Variants in ZMIZ1 observed in about 807,000 individuals in gnomAD.
The protein encoded by ZMIZ1 is zinc finger MIZ-type containing 1, also known as zinc finger MIZ domain-containing protein 1.
In ZMIZ1, 17 loss-of-function variants were observed where a neutral mutation model predicts 113.9. That is an observed-to-expected ratio of 0.15 (90% CI 0.10 to 0.22). ZMIZ1 has a LOEUF of 0.22. Among genes scored for constraint, ZMIZ1 ranks in the 10% least tolerant of loss-of-function variants. ZMIZ1 has a pLI of 1.00. For synonymous variants in ZMIZ1, 607 were observed against 603.1 expected (o/e 1.01, Z -0.09); for missense variants, 1,059 against 1,477.8 (o/e 0.72, Z 4.65).
intron 7 of ZMIZ1, among the ~76,000 whole-genome samples, chr10:79,220,248 T>G (rs1308924217): frequency 6.6e-6 from 1 of 152,176 alleles, no homozygotes; most frequent in Admixed American, 6.5e-5. Context: ...TGACGCACAC[T>G]GGGGGCCAAG....
intron 3 of ZMIZ1, among the ~76,000 whole-genome samples, chr10:79,154,228 C>A (rs1845815414): frequency 6.6e-6 from 1 of 152,068 alleles, no homozygotes; most frequent in Non-Finnish European, 1.5e-5. Flanking sequence ...GTCCACAAAC[C>A]CCCTTTGGGT....
intron 1 of ZMIZ1, among the ~76,000 whole-genome samples, chr10:79,072,105 A>G (rs1283331768): frequency 2.6e-5 from 4 of 152,212 alleles, no homozygotes; most frequent in African/African-American, 7.2e-5. Context: ...AGCCTTGTCT[A>G]TGCAGAAAAG....
At chr10:79,253,100 C>T (rs1392437754) in intron 7 of ZMIZ1, among the ~76,000 whole-genome samples, 1 of 152,084 alleles carries the variant, frequency 6.6e-6, no homozygotes, top group African/African-American at 2.4e-5. Context: ...AGTGGGTGTG[C>T]GGGGCCGGAC....
rs1039220588 is a variant in ZMIZ1 at position 79,216,247 on chromosome 10, C to T, written c.253C>T (p.Arg85Ter). 1 of 1,591,736 alleles carries T rather than the reference C, an allele frequency of 6.3e-7. No homozygotes were observed. Among genetic ancestry groups the T allele is most frequent in the Non-Finnish European group, 8.6e-7 (1 of 1,168,968 alleles). The change falls in exon 7 of 25, where the codon CGA (arginine) becomes TGA (stop). Residue 85 changes from arginine to a stop codon, truncating the protein, a stop_gained. Coordinates refer to ENST00000334512, the MANE Select transcript of ZMIZ1 (RefSeq NM_020338.4). LOFTEE classifies it high-confidence loss of function. ...ACTGCTGGCTGTGTGTGCTGCAAACCGAGACAAGTTCACCCCGAAGTCTGC... is the reference window on the plus strand; with the variant it reads ...ACTGCTGGCTGTGTGTGCTGCAAACTGAGACAAGTTCACCCCGAAGTCTGC... ...YRLLAVCAAN[R>*]DKFTPKSAAL...
intron 8 of ZMIZ1, among the ~76,000 whole-genome samples, chr10:79,282,674 G>A (rs1365500626): frequency 6.6e-6 from 1 of 152,240 alleles, no homozygotes; most frequent in African/African-American, 2.4e-5. Flanking sequence ...TGCTGATGGG[G>A]GACATGGTGC....
In ZMIZ1 at chr10:79,306,341, C is replaced by A; in HGVS notation, c.2665C>A (p.Gln889Lys). Reference sequence around the variant, plus strand: ...CACCAACTCCAACGACTACAGCAGCCAAGGTGGGTGATGCCAGGCAGGGAG... The same window carrying A: ...CACCAACTCCAACGACTACAGCAGCAAAGGTGGGTGATGCCAGGCAGGGAG... ...GGTNSNDYSS[Q>K]GNNYQGHGNF... Residue 889 changes from glutamine to lysine, a missense_variant, in exon 22 of 25, where the codon CAA becomes AAA. Gln to Lys is a moderately conservative substitution (Grantham distance 53). Coordinates refer to ENST00000334512, the MANE Select transcript of ZMIZ1 (RefSeq NM_020338.4). The A allele has an allele frequency of 6.2e-7, 1 of 1,608,892 alleles. No individual in the cohort carries two copies. The highest frequency in any genetic ancestry group is 8.5e-7 in the Non-Finnish European group (1 of 1,179,776).
At chr10:79,130,831 G>C (rs1484919350) in intron 2 of ZMIZ1, among the ~76,000 whole-genome samples, 1 of 152,146 alleles carries the variant, frequency 6.6e-6, no homozygotes, top group African/African-American at 2.4e-5. Flanking sequence ...ACATTTTAAG[G>C]ATCAGTAAAG....
chr10:79,304,289 A>C (rs955150437), intron 19 of ZMIZ1, 114 bp downstream of exon 19: 5 of 1,341,206 alleles, frequency 3.7e-6, no homozygotes, highest in African/African-American at 1.5e-5. Context: ...GAAGGACGTC[A>C]TGGAGATCAG....
intron 7 of ZMIZ1, chr10:79,243,787 C>A: frequency 5.2e-6 from 1 of 191,624 alleles, no homozygotes. Flanking sequence ...ACGGGCCGGG[C>A]CCTGGGCTCC....
rs759366807 is a variant in ZMIZ1, at chr10:79,153,096, C to T, written c.-130-8957C>T. Among the ~76,000 whole-genome samples, 19 of 152,180 alleles carry T rather than the reference C, an allele frequency of 1.2e-4. 1 individual carries two copies. Among genetic ancestry groups the T allele is most frequent in the South Asian group, 1.2e-3 (6 of 4,834 alleles). ...TCTTTCTGAAAGAACGAATGAGACC[C>T]CAGATTCAAGGGAGAAGAAGGGGCA... On this transcript the variant is annotated intron_variant, in intron 3 of 24. Coordinates refer to ENST00000334512, the MANE Select transcript of ZMIZ1 (RefSeq NM_020338.4).
intron 1 of ZMIZ1, among the ~76,000 whole-genome samples, chr10:79,078,504 T>A (rs1842550450): frequency 6.7e-6 from 1 of 149,972 alleles, no homozygotes; most frequent in Non-Finnish European, 1.5e-5. Flanking sequence ...CTGGAGGAGA[T>A]GGCTCAGAGT....
intron 24 of ZMIZ1, among the ~76,000 whole-genome samples, chr10:79,311,586 G>A (rs750063703): frequency 6.6e-6 from 1 of 152,096 alleles, no homozygotes; most frequent in Non-Finnish European, 1.5e-5. Flanking sequence ...CCTCGCTGGT[G>A]TGTGTCTGTC....
intron 1 of ZMIZ1, among the ~76,000 whole-genome samples, chr10:79,082,218 A>C (rs1288350836): frequency 6.6e-6 from 1 of 152,194 alleles, no homozygotes; most frequent in African/African-American, 2.4e-5. Flanking sequence ...GGGGGCAGGC[A>C]CTCGGTGCCT....
intron 1 of ZMIZ1, among the ~76,000 whole-genome samples, chr10:79,105,159 G>A (rs562918702): frequency 1.6e-4 from 25 of 152,276 alleles, no homozygotes; most frequent in African/African-American, 5.5e-4. Flanking sequence ...ACTGATTCCC[G>A]AAAATTTAGA....
intron 2 of ZMIZ1, among the ~76,000 whole-genome samples, chr10:79,121,623 G>A (rs746163819): frequency 2.0e-5 from 3 of 152,238 alleles, no homozygotes; most frequent in Non-Finnish European, 4.4e-5. Flanking sequence ...TAGGCCTTTG[G>A]AGAGGTAGCC....
At chr10:79,164,647 C>T (rs1769756) in intron 4 of ZMIZ1, among the ~76,000 whole-genome samples, 48,530 of 152,136 alleles carry the variant, frequency 0.32, 8,841 homozygotes, top group Non-Finnish European at 0.41. Flanking sequence ...CATGCTATCT[C>T]TTCAGCATCT....
chr10:79,181,379 G>T lies in ZMIZ1; in HGVS notation c.-50+19246G>T, dbSNP rs536070672. Among the ~76,000 whole-genome samples, 6 of 152,350 alleles carry T rather than the reference G, an allele frequency of 3.9e-5. No individual in the cohort carries two copies. In the South Asian group the frequency reaches 1.2e-3, roughly 32 times the overall value. Reference sequence around the variant, plus strand: ...CAGATGCAGTTGTGGTGTCACTGGTGCCGTTTGTAGCCTTGTCCTCCTGCC... The same window carrying T: ...CAGATGCAGTTGTGGTGTCACTGGTTCCGTTTGTAGCCTTGTCCTCCTGCC... On this transcript the variant is annotated intron_variant, in intron 4 of 24. Transcript: ENST00000334512.
intron 1 of ZMIZ1, among the ~76,000 whole-genome samples, chr10:79,089,378 C>T (rs1040445222): frequency 2.0e-5 from 3 of 152,244 alleles, no homozygotes; most frequent in African/African-American, 7.2e-5. Context: ...CCCATCCATC[C>T]GGCTCACTTT....
At chr10:79,266,458 G>T (rs548134169) in intron 7 of ZMIZ1, among the ~76,000 whole-genome samples, 2 of 152,306 alleles carry the variant, frequency 1.3e-5, no homozygotes, top group South Asian at 2.1e-4. Flanking sequence ...TGGGAGGTTT[G>T]AATGAAGTAG....
Sources: allele counts gnomAD v4.1 joint callset (sites outside exome capture counted in the v4.1 genomes callset), GRCh38; gene constraint gnomAD v4.1.1; transcripts MANE v1.5; gene names NCBI Gene and HGNC (gene_info 2026-07-23, HGNC 2026-07-21).